The following USP42 variants were observed in gnomAD, a reference collection of about 807,000 sequenced individuals.
The protein encoded by USP42 is ubiquitin carboxyl-terminal hydrolase 42.
Under a neutral mutation model 113.0 loss-of-function variants are expected in USP42, and 23 were observed. That is an observed-to-expected ratio of 0.20 (90% CI 0.15 to 0.29). The LOEUF is 0.29. Among genes scored for constraint, USP42 ranks in the 10% least tolerant of loss-of-function variants. USP42 has a pLI of 1.00. For missense variants in USP42, 2,174 were observed against 1,779.8 expected (o/e 1.22, Z -3.99); for synonymous variants, 933 against 699.0 (o/e 1.33, Z -5.28).
chr7:6,082,318 C>G, the USP42 span, among the ~76,000 whole-genome samples: 56 of 151,858 alleles, frequency 3.7e-4, no homozygotes, highest in African/African-American at 1.3e-3. Flanking sequence ...TTAGTAGAGA[C>G]GGGGTTTCAC....
intron 12 of USP42, among the ~76,000 whole-genome samples, chr7:6,148,146 T>TG (rs1781827951): frequency 6.6e-6 from 1 of 152,150 alleles, no homozygotes; most frequent in East Asian, 1.9e-4. Context: ...GAGACCACCC[T>TG]GGGTACCAGG....
rs1232199653 is a variant in USP42, at chr7:6,161,118, A to AATC, written c.*602_*604dup. The AATC allele has an allele frequency of 1.3e-5, 2 of 152,670 alleles. No homozygotes were observed. The highest frequency in any genetic ancestry group is 2.9e-5 in the Non-Finnish European group (2 of 68,048). 9.5% of individuals were successfully genotyped at this position (152,670 alleles called of 1,614,324 possible). A position where few individuals can be genotyped will look rare whatever the true frequency, so the allele number is the denominator to read the frequency against. The stretch of plus-strand genomic sequence containing the variant: ...TGAACTTTGTGGAACTGTTCCAATC[A>AATC]ATCAATTTCCCAGTTATGATGAGTA... On this transcript the variant is annotated 3_prime_UTR_variant, in exon 18 of 18. Coordinates refer to ENST00000306177, the MANE Select transcript of USP42 (RefSeq NM_032172.3).
chr7:6,151,111 T>C (rs765618307), intron 14 of USP42, among the ~76,000 whole-genome samples: 3 of 152,054 alleles, frequency 2.0e-5, no homozygotes, highest in South Asian at 2.1e-4. Flanking sequence ...AGTAAAAATA[T>C]GGTATAAGAG....
At chr7:6,145,742 C>T in intron 10 of USP42, 86 bp downstream of exon 10, 1 of 1,432,132 alleles carries the variant, frequency 7.0e-7, no homozygotes, top group Non-Finnish European at 9.5e-7. Flanking sequence ...AGAGGTGGAA[C>T]TTTTACAGTT....
intron 3 of USP42, among the ~76,000 whole-genome samples, chr7:6,122,335 G>C (rs1277729948): frequency 6.6e-6 from 1 of 150,790 alleles, no homozygotes; most frequent in Non-Finnish European, 1.5e-5. Context: ...GCCTAGGCTG[G>C]AGTGCAGTGG....
the USP42 span, among the ~76,000 whole-genome samples, chr7:6,094,338 A>AT: frequency 1.3e-5 from 2 of 150,090 alleles, no homozygotes; most frequent in Non-Finnish European, 2.9e-5. Flanking sequence ...CACCTGGCTA[A>AT]TTTTTTATTT....
chr7:6,129,731 C>G (rs1018170725), intron 3 of USP42, among the ~76,000 whole-genome samples: 10 of 151,588 alleles, frequency 6.6e-5, no homozygotes, highest in Non-Finnish European at 1.3e-4. Flanking sequence ...TGTGGTGGTG[C>G]ACACCTCTAA....
chr7:6,116,901 C>A (rs1376305051), intron 3 of USP42: 1 of 516,044 alleles, frequency 1.9e-6, no homozygotes, highest in Non-Finnish European at 3.9e-6. Context: ...AGAGAGAGGA[C>A]CAAGACAAAA....
Position 6,139,088 on chromosome 7 carries a change from A to G in USP42, c.554-4A>G, listed in dbSNP as rs769265774. The G allele has an allele frequency of 1.9e-6, 3 of 1,597,928 alleles. No homozygotes were observed. The highest frequency in any genetic ancestry group is 1.7e-5 in the Admixed American group (1 of 57,388). On this transcript the variant is annotated splice_polypyrimidine_tract_variant and splice_region_variant and intron_variant, in intron 4 of 17. Coordinates refer to ENST00000306177, the MANE Select transcript of USP42 (RefSeq NM_032172.3). The surrounding 1 kb of genome is among the most constrained non-coding windows in gnomAD (Gnocchi z 4.5). ...AAAGCCTTGTCTTTACCGAAATTTT[A>G]CAGGTATAGCTAGGCACTTCCGTTT...
chr7:6,153,579 CATA>C (rs1438994998), intron 14 of USP42, among the ~76,000 whole-genome samples, 174 bp from the exon 15 acceptor site: 1 of 152,184 alleles, frequency 6.6e-6, no homozygotes, highest in Non-Finnish European at 1.5e-5. Context: ...CACACGTATA[CATA>C]TGTAACTAAC....
upstream of USP42, among the ~76,000 whole-genome samples, chr7:6,101,111 G>A (rs1165938852): frequency 6.6e-6 from 1 of 151,150 alleles, no homozygotes; most frequent in Non-Finnish European, 1.5e-5. Context: ...AAGGAGTGGA[G>A]CAACAATATT....
chr7:6,113,250 A>C (rs1010786538), intron 2 of USP42, among the ~76,000 whole-genome samples: 1 of 152,062 alleles, frequency 6.6e-6, no homozygotes, highest in Non-Finnish European at 1.5e-5. Context: ...GGCTTGCTGA[A>C]GGTGTTTTGG....
the USP42 span, among the ~76,000 whole-genome samples, chr7:6,099,266 G>A: frequency 2.2e-5 from 3 of 137,568 alleles, 1 homozygote; most frequent in Non-Finnish European, 4.6e-5. Context: ...CCAGGCTGGA[G>A]TGCAGTGGCG....
At chr7:6,086,842 C>T in the USP42 span, among the ~76,000 whole-genome samples, 1 of 150,774 alleles carries the variant, frequency 6.6e-6, no homozygotes, top group East Asian at 1.9e-4. Flanking sequence ...TCTCCTACCT[C>T]AGCCTCCCGA....
intron 2 of USP42, among the ~76,000 whole-genome samples, chr7:6,113,558 A>G (rs1348083013): frequency 6.6e-6 from 1 of 151,894 alleles, no homozygotes; most frequent in Non-Finnish European, 1.5e-5. Context: ...ATAACCACTA[A>G]TAAGTCTCTT....
In USP42 at chr7:6,115,317, T is replaced by C. The variant is rs750454301; in HGVS notation, c.242-6T>C. On this transcript the variant is annotated splice_region_variant and splice_polypyrimidine_tract_variant and intron_variant, in intron 2 of 17. Coordinates refer to ENST00000306177, the MANE Select transcript of USP42 (RefSeq NM_032172.3). ...GTTTCTGACTCTTTCTTGTTTATTT[T>C]TCTAGCCCTAGGTGATGGCATCGCT... is the stretch of plus-strand genomic sequence containing the variant. 2 of 1,613,478 alleles carry C rather than the reference T, an allele frequency of 1.2e-6. No individual in the cohort carries two copies. Among genetic ancestry groups the C allele is most frequent in the East Asian group, 4.5e-5 (2 of 44,900 alleles).
intron 12 of USP42, 115 bp downstream of exon 12, chr7:6,148,007 C>CA (rs1781820546): frequency 8.6e-7 from 1 of 1,159,046 alleles, no homozygotes; most frequent in Non-Finnish European, 1.2e-6. Flanking sequence ...AATTTCTTCT[C>CA]ACAGTTTAAT....
At chr7:6,113,561 A>C (rs1779715592) in intron 2 of USP42, among the ~76,000 whole-genome samples, 1 of 151,692 alleles carries the variant, frequency 6.6e-6, no homozygotes, top group Non-Finnish European at 1.5e-5. Flanking sequence ...ACCACTAATA[A>C]GTCTCTTCAG....
In USP42 at chr7:6,152,150, G is replaced by A. The variant is rs935930904; in HGVS notation, c.2202-1606G>A. 3.3e-5 allele frequency among the ~76,000 whole-genome samples: 5 copies of A among 152,362 alleles called. 1 individual carries two copies. On this transcript the variant is annotated intron_variant, in intron 14 of 17. Coordinates refer to ENST00000306177, the MANE Select transcript of USP42 (RefSeq NM_032172.3). ...TCACCTCGCAAAGCAGCAGCAGGAC[G>A]GCCCCGTGGCGAGAGGCTGTGCAGG...
Sources: gnomAD v4.1 joint callset for allele counts (sites outside exome capture counted in the v4.1 genomes callset) on GRCh38, gnomAD v4.1.1 for gene constraint, Gnocchi (gnomAD v3.1) non-coding constraint, MANE v1.5 for transcripts, NCBI Gene and HGNC (gene_info 2026-07-23, HGNC 2026-07-21) for gene names.